KPNA3: variants seen among roughly 807,000 people sequenced by gnomAD.
KPNA3 encodes importin subunit alpha-4.
In KPNA3, 13 loss-of-function variants were observed where a neutral mutation model predicts 73.8. The observed-to-expected ratio is 0.18, with a 90% CI of 0.11 to 0.28. The LOEUF (loss-of-function observed/expected upper bound fraction) is 0.28. KPNA3 is among the 10% of genes least tolerant of loss of function. The pLI, the probability that KPNA3 is intolerant of heterozygous loss-of-function variation, is 1.00. For missense variants in KPNA3, 360 were observed against 618.1 expected, an observed-to-expected ratio of 0.58 and a Z score of 4.43; for synonymous variants, 186 against 206.9, an observed-to-expected ratio of 0.90 and a Z score of 0.87.
At chr13:49,731,246 C>CAT (rs1954466003) in intron 6 of KPNA3, among the ~76,000 whole-genome samples, 1 of 136,184 alleles carries the variant, frequency 7.3e-6, no homozygotes, top group African/African-American at 2.8e-5. Context: ...GGCTAATTTT[C>CAT]GTGTTTTTTT....
intron 1 of KPNA3, among the ~76,000 whole-genome samples, chr13:49,768,354 T>A (rs1954826099): frequency 1.3e-5 from 2 of 150,506 alleles, no homozygotes. Context: ...TAGTGCAAAA[T>A]GTATTTAAAA....
chr13:49,759,143 C>A (rs1954737149), intron 1 of KPNA3, among the ~76,000 whole-genome samples: 2 of 152,128 alleles, frequency 1.3e-5, no homozygotes, highest in East Asian at 1.9e-4. Flanking sequence ...ATCTGTAAAT[C>A]CAGGAAATGG....
At chr13:49,767,041 T>C (rs1009970944) in intron 1 of KPNA3, among the ~76,000 whole-genome samples, 2 of 150,334 alleles carry the variant, frequency 1.3e-5, no homozygotes, top group African/African-American at 4.9e-5. Context: ...ACTGAAAGTA[T>C]AGGTTTAGGA....
At chr13:49,784,480 A>T (rs1368492689) in intron 1 of KPNA3, among the ~76,000 whole-genome samples, 1 of 152,224 alleles carries the variant, frequency 6.6e-6, no homozygotes, top group Non-Finnish European at 1.5e-5. Flanking sequence ...GCATTTTTAA[A>T]TGGTTGGGAG....
chr13:49,717,785 AAC>A (rs1954319118), intron 10 of KPNA3, among the ~76,000 whole-genome samples: 1 of 152,236 alleles, frequency 6.6e-6, no homozygotes, highest in African/African-American at 2.4e-5. Context: ...AATAAATGGT[AAC>A]TATGAACACT....
At chr13:49,717,589 C>T (rs747194352) in intron 10 of KPNA3, among the ~76,000 whole-genome samples, 101 of 152,160 alleles carry the variant, frequency 6.6e-4, no homozygotes, top group Non-Finnish European at 8.8e-4. Context: ...TTTCTCTCAA[C>T]CTGTGAAAAT....
chr13:49,757,676 A>G (rs1299001585), intron 1 of KPNA3, among the ~76,000 whole-genome samples: 1 of 151,592 alleles, frequency 6.6e-6, no homozygotes, highest in Admixed American at 6.6e-5. Flanking sequence ...TATATGAGAT[A>G]AATGAAAACT....
chr13:49,785,309 G>C (rs1238506344), intron 1 of KPNA3, among the ~76,000 whole-genome samples: 1 of 151,796 alleles, frequency 6.6e-6, no homozygotes, highest in Non-Finnish European at 1.5e-5. Flanking sequence ...ATAGAGGCAG[G>C]GCCAAAATCC....
Position 49,701,794 on chromosome 13 carries a change from C to T in KPNA3, c.*6G>A, listed in dbSNP as rs903082890. The T allele has an allele frequency of 1.9e-6, 3 of 1,555,328 alleles. No homozygotes were observed. The highest frequency in any genetic ancestry group is 1.8e-6 in the Non-Finnish European group (2 of 1,126,636). ...AATGTGGGAAAGATGCTGCACTCAA[C>T]TGAATTTAAAAATTAAATTCTTTTG... On this transcript the variant is annotated 3_prime_UTR_variant, in exon 17 of 17. Transcript: ENST00000261667.
chr13:49,783,520 G>C (rs1013233712), intron 1 of KPNA3, among the ~76,000 whole-genome samples: 5 of 151,934 alleles, frequency 3.3e-5, no homozygotes, highest in Non-Finnish European at 7.4e-5. Context: ...CTATAAAATG[G>C]CACAGTACAG....
Position 49,700,844 on chromosome 13 carries a change from G to A in KPNA3, c.*956C>T, listed in dbSNP as rs1196135123. ...CAAAGAATATTAACTCCTGAAAGCT[G>A]AAAGCAAGATTTTTTTAAAAAACAT... On this transcript the variant is annotated 3_prime_UTR_variant, in exon 17 of 17. Transcript: ENST00000261667. The A allele has an allele frequency of 1.3e-5, 2 of 152,300 alleles. No homozygotes were observed. The highest frequency in any genetic ancestry group is 2.9e-5 in the Non-Finnish European group (2 of 68,016). 9.4% of individuals were successfully genotyped at this position (152,300 alleles called of 1,614,324 possible).
intron 2 of KPNA3, among the ~76,000 whole-genome samples, chr13:49,736,192 C>CTTA (rs1954519846): frequency 6.6e-6 from 1 of 152,026 alleles, no homozygotes; most frequent in Admixed American, 6.6e-5. Context: ...CATCTAAATG[C>CTTA]TTTTAATGAG....
In KPNA3 at chr13:49,792,514, CGCGGCTCCGGCGGCGGCTACTCCT is replaced by C. The variant is rs748319027; in HGVS notation, c.-32_-9del. 29 of 1,524,550 alleles carry C rather than the reference CGCGGCTCCGGCGGCGGCTACTCCT, an allele frequency of 1.9e-5. No individual in the cohort carries two copies. Among genetic ancestry groups the C allele is most frequent in the Admixed American group, 5.5e-5 (3 of 54,262 alleles). The allele number at this position is 1,524,550 out of a possible 1,614,324, so 94.4% of individuals were successfully genotyped here. The stretch of plus-strand genomic sequence containing the variant: ...GCTGGGGTTCTCGGCCATGGCTGCG[CGCGGCTCCGGCGGCGGCTACTCCT>C]GCGGCTGCGGCGGCGGCGGCGGCGA... On this transcript the variant is annotated 5_prime_UTR_variant, in exon 1 of 17. Transcript: ENST00000261667.
chr13:49,703,396 G>A (rs1954169545), intron 15 of KPNA3, among the ~76,000 whole-genome samples: 1 of 151,230 alleles, frequency 6.6e-6, no homozygotes, highest in Non-Finnish European at 1.5e-5. Flanking sequence ...TGGCCAGGCT[G>A]GTCTCGAACT....
At chr13:49,792,024 G>A (rs910193763) in intron 1 of KPNA3, among the ~76,000 whole-genome samples, 19 of 152,164 alleles carry the variant, frequency 1.2e-4, no homozygotes, top group Admixed American at 3.3e-4. Flanking sequence ...CGCAGAGGGG[G>A]CTGCACCGGA....
intron 10 of KPNA3, 66 bp from the exon 11 acceptor site, chr13:49,711,088 C>A: frequency 6.9e-7 from 1 of 1,447,932 alleles, no homozygotes; most frequent in Admixed American, 2.4e-5. Flanking sequence ...GTTCAACACA[C>A]CTCAGGAGTA....
chr13:49,784,028 G>A (rs952628516), intron 1 of KPNA3, among the ~76,000 whole-genome samples: 14 of 152,086 alleles, frequency 9.2e-5, no homozygotes, highest in African/African-American at 2.7e-4. Flanking sequence ...TGAGGAGGGA[G>A]GACTGCTTGA....
At chr13:49,753,010 G>T (rs1954677762) in intron 1 of KPNA3, among the ~76,000 whole-genome samples, 2 of 112,460 alleles carry the variant, frequency 1.8e-5, no homozygotes, top group South Asian at 6.5e-4. Flanking sequence ...CTGGGTGACA[G>T]AGCGAGACTC....
chr13:49,734,581 A>C (rs1416710530), intron 2 of KPNA3, among the ~76,000 whole-genome samples: 1 of 152,220 alleles, frequency 6.6e-6, no homozygotes, highest in Non-Finnish European at 1.5e-5. Context: ...ACTGTGGACT[A>C]CCTCGAGATC....
Sources: gnomAD v4.1 joint callset for allele counts (sites outside exome capture counted in the v4.1 genomes callset) on GRCh38, gnomAD v4.1.1 for gene constraint, MANE v1.5 for transcripts, NCBI Gene and HGNC (gene_info 2026-07-23, HGNC 2026-07-21) for gene names.